Variants in RAB3C observed in about 807,000 individuals in gnomAD.
The protein encoded by RAB3C is RAB3C, member RAS oncogene family.
Under a neutral mutation model 26.4 loss-of-function variants are expected in RAB3C, and 17 were observed. The ratio of observed to expected loss-of-function variants is 0.64; its 90% CI spans 0.44 to 0.97. The LOEUF is 0.97. RAB3C is among the 50% of genes least tolerant of loss of function. RAB3C has a pLI of 0.00. For synonymous variants in RAB3C, 91 were observed against 95.9 expected (o/e 0.95, Z 0.30); for missense variants, 242 against 281.9 (o/e 0.86, Z 1.01).
chr5:58,612,548 G>A (rs376555576), intron 1 of RAB3C, among the ~76,000 whole-genome samples: 114 of 80,208 alleles, frequency 1.4e-3, no homozygotes, highest in African/African-American at 3.8e-3. Context: ...ATATATATAT[G>A]TATATATATA....
intron 4 of RAB3C, among the ~76,000 whole-genome samples, chr5:58,832,103 C>T (rs372817453): frequency 4.6e-5 from 7 of 152,290 alleles, no homozygotes; most frequent in East Asian, 3.9e-4. Context: ...TGGTGGGGCT[C>T]GTGCTGCCCG....
At chr5:58,813,965 A>G (rs114033087) in intron 3 of RAB3C, among the ~76,000 whole-genome samples, 2,139 of 152,284 alleles carry the variant, frequency 0.014, 49 homozygotes, top group African/African-American at 0.049. Context: ...TAGCTCAAAG[A>G]TGACAAAAGC....
At chr5:58,840,243 C>T (rs1378278564) in intron 4 of RAB3C, among the ~76,000 whole-genome samples, 1 of 151,314 alleles carries the variant, frequency 6.6e-6, no homozygotes, top group Non-Finnish European at 1.5e-5. Flanking sequence ...TCTTCTTGGT[C>T]TAGTCTGTTG....
rs1190001895 is a variant in RAB3C, at chr5:58,617,763, C to A, written c.145C>A (p.Arg49Ser). The change falls in exon 2 of 5, where the codon CGT (arginine) becomes AGT (serine). Residue 49 changes from arginine (R) to serine (S), a missense_variant. Coordinates refer to ENST00000282878, the MANE Select transcript of RAB3C (RefSeq NM_138453.4). The stretch of plus-strand genomic sequence containing the variant: ...TGTGGGGAAAACATCTTTTCTATTC[C>A]GTTATGCAGATGACTCCTTTACATC... ...SSVGKTSFLF[R>S]YADDSFTSAF... The A allele has an allele frequency of 1.2e-6, 2 of 1,613,534 alleles. No individual in the cohort carries two copies. Among genetic ancestry groups the A allele is most frequent in the Non-Finnish European group, 1.7e-6 (2 of 1,179,728 alleles).
chr5:58,607,738 A>G (rs1194071121), intron 1 of RAB3C, among the ~76,000 whole-genome samples: 2 of 152,242 alleles, frequency 1.3e-5, no homozygotes, highest in East Asian at 3.8e-4. Flanking sequence ...TACAAGTGAG[A>G]AGAGAGTGGG....
At chr5:58,701,863 T>C (rs1748848685) in intron 2 of RAB3C, among the ~76,000 whole-genome samples, 1 of 152,200 alleles carries the variant, frequency 6.6e-6, no homozygotes, top group East Asian at 1.9e-4. Context: ...CCAGAAATTA[T>C]AGGATAATCC....
At chr5:58,694,637 G>A (rs527630533) in intron 2 of RAB3C, among the ~76,000 whole-genome samples, 1 of 152,322 alleles carries the variant, frequency 6.6e-6, no homozygotes, top group African/African-American at 2.4e-5. Context: ...TAACTGGCGT[G>A]AGATGCTATC....
chr5:58,770,791 A>C (rs1006316705), intron 3 of RAB3C, among the ~76,000 whole-genome samples: 3 of 152,092 alleles, frequency 2.0e-5, no homozygotes, highest in African/African-American at 7.2e-5. Flanking sequence ...TTTACTTTAC[A>C]TGTGTTATTT....
chr5:58,649,519 A>G (rs1747598091), intron 2 of RAB3C, among the ~76,000 whole-genome samples: 1 of 151,780 alleles, frequency 6.6e-6, no homozygotes, highest in South Asian at 2.1e-4. Flanking sequence ...AAGGCGACCC[A>G]TCTCCACCTT....
chr5:58,785,213 G>A (rs1040077189), intron 3 of RAB3C, among the ~76,000 whole-genome samples: 2 of 152,182 alleles, frequency 1.3e-5, no homozygotes, highest in African/African-American at 2.4e-5. Context: ...CGATGGAAAC[G>A]TCTACGGCAT....
chr5:58,596,606 A>G (rs1204804566), intron 1 of RAB3C, among the ~76,000 whole-genome samples: 2 of 114,566 alleles, frequency 1.7e-5, no homozygotes, highest in Non-Finnish European at 3.4e-5. Flanking sequence ...TATATTATAT[A>G]TAAATATATA....
rs181520582 is a variant in RAB3C, at chr5:58,766,421, G to A, written c.371+40301G>A. Among the ~76,000 whole-genome samples the A allele has an allele frequency of 6.7e-4, 102 of 152,262 alleles. 2 individuals are homozygous for A. The highest frequency in any genetic ancestry group is 2.4e-3 in the African/African-American group (101 of 41,558). On this transcript the variant is annotated intron_variant, in intron 3 of 4. Transcript: ENST00000282878. ...ATGAGCCACCGCACCTAGCCGAGTA[G>A]TTCTTTGTAGCAATGTGAGAACAGA...
At chr5:58,755,550 G>A (rs545579947) in intron 3 of RAB3C, among the ~76,000 whole-genome samples, 3 of 152,276 alleles carry the variant, frequency 2.0e-5, no homozygotes, top group African/African-American at 7.2e-5. Flanking sequence ...ATCAGGACTC[G>A]GGGCAGGCAG....
At position 58,698,282 on chromosome 5, in the gene RAB3C, G is replaced by A. The variant is rs973556638; in HGVS notation, c.253-27720G>A. ...CTCTCTTCTGGCTTGTAGGGTTTCT[G>A]CCGAGAGATCAGCTGTTAGTATGAT... On this transcript the variant is annotated intron_variant, in intron 2 of 4. Coordinates refer to ENST00000282878, the MANE Select transcript of RAB3C (RefSeq NM_138453.4). Among the ~76,000 whole-genome samples, 201 of 152,164 alleles carry A rather than the reference G, an allele frequency of 1.3e-3. 1 individual carries two copies. The highest frequency in any genetic ancestry group is 6.6e-4 in the Non-Finnish European group (45 of 68,046).
intron 3 of RAB3C, among the ~76,000 whole-genome samples, chr5:58,778,643 T>C (rs1160317574): frequency 6.6e-6 from 1 of 152,168 alleles, no homozygotes; most frequent in Non-Finnish European, 1.5e-5. Flanking sequence ...TTGAATTAGA[T>C]ATGCCAAGAA....
intron 3 of RAB3C, among the ~76,000 whole-genome samples, chr5:58,807,263 T>C (rs907099206): frequency 6.6e-6 from 1 of 152,198 alleles, no homozygotes; most frequent in Non-Finnish European, 1.5e-5. Flanking sequence ...AGCAAGACCT[T>C]TCTGACTGAA....
rs1453799675 is a variant in RAB3C, at chr5:58,762,471, T to A, written c.371+36351T>A. Among the ~76,000 whole-genome samples, 7 of 152,162 alleles carry A rather than the reference T, an allele frequency of 4.6e-5. No individual in the cohort carries two copies. The East Asian group carries it at 5.8e-4, about 13-fold the overall frequency. Reference sequence around the variant, plus strand: ...ATTCTGGGAGGCCGAGGCAAGTGGATCACCTGAGGTCAGGAGTTCAAAACT... The same window carrying A: ...ATTCTGGGAGGCCGAGGCAAGTGGAACACCTGAGGTCAGGAGTTCAAAACT... On this transcript the variant is annotated intron_variant, in intron 3 of 4. Coordinates refer to ENST00000282878, the MANE Select transcript of RAB3C (RefSeq NM_138453.4).
intron 3 of RAB3C, among the ~76,000 whole-genome samples, chr5:58,809,905 T>C (rs1743031626): frequency 6.6e-6 from 1 of 152,186 alleles, no homozygotes; most frequent in Admixed American, 6.5e-5. Flanking sequence ...TACTGCAAAC[T>C]AGTAGACAGC....
At chr5:58,650,182 A>T (rs886316863) in intron 2 of RAB3C, among the ~76,000 whole-genome samples, 1 of 152,204 alleles carries the variant, frequency 6.6e-6, no homozygotes, top group Non-Finnish European at 1.5e-5. Flanking sequence ...ATAAATAAAC[A>T]TTAAATACTG....
Sources: gnomAD v4.1 joint callset for allele counts (sites outside exome capture counted in the v4.1 genomes callset) on GRCh38, gnomAD v4.1.1 for gene constraint, MANE v1.5 for transcripts, NCBI Gene and HGNC (gene_info 2026-07-23, HGNC 2026-07-21) for gene names.